SLC2A1: variants seen among roughly 807,000 people sequenced by gnomAD.
The protein encoded by SLC2A1 is solute carrier family 2 member 1.
SLC2A1 carries 4 observed loss-of-function variants against 46.6 expected under a neutral mutation model. That is an observed-to-expected ratio of 0.09 (90% CI 0.04 to 0.20). The LOEUF is 0.20. Ranked by LOEUF, SLC2A1 falls within the 10% of genes least tolerant of loss-of-function variation. The pLI is 1.00. For synonymous variants in SLC2A1, 253 were observed against 270.0 expected (o/e 0.94, Z 0.62); for missense variants, 352 against 667.0 (o/e 0.53, Z 5.20).
At chr1:42,958,176 C>T (rs1260222399) in intron 1 of SLC2A1, among the ~76,000 whole-genome samples, 1 of 151,954 alleles carries the variant, frequency 6.6e-6, no homozygotes, top group African/African-American at 2.4e-5. Flanking sequence ...GCTCCTGACT[C>T]CTCCGCGCGC....
chr1:42,930,041 G>T lies in SLC2A1; in HGVS notation c.517-6C>A, dbSNP rs892767820. On this transcript the variant is annotated splice_polypyrimidine_tract_variant and splice_region_variant and intron_variant, in intron 4 of 9. Coordinates refer to ENST00000426263, the MANE Select transcript of SLC2A1 (RefSeq NM_006516.4). The surrounding 1 kb of genome is among the most constrained non-coding windows in gnomAD (Gnocchi z 6.2). ...ATGGAGTCCAGGCCGAACACCTGGG[G>T]GAAGCAGGGGCCGTGAGCGCCTCTG... 6 of 1,613,690 alleles carry T rather than the reference G, an allele frequency of 3.7e-6. No homozygotes were observed. The highest frequency in any genetic ancestry group is 5.1e-6 in the Non-Finnish European group (6 of 1,180,022).
chr1:42,958,603 T>C, intron 1 of SLC2A1, 31 bp downstream of exon 1: 1 of 1,513,414 alleles, frequency 6.6e-7, no homozygotes, highest in Non-Finnish European at 8.8e-7. Flanking sequence ...CCTTTGTTCC[T>C]GGCGGGAGGG....
intron 2 of SLC2A1, among the ~76,000 whole-genome samples, chr1:42,941,488 T>C (rs1643598209): frequency 6.6e-6 from 1 of 152,238 alleles, no homozygotes; most frequent in Non-Finnish European, 1.5e-5. Flanking sequence ...AACCCTGTTC[T>C]GTTTCTGGAA....
intron 2 of SLC2A1, among the ~76,000 whole-genome samples, chr1:42,939,244 C>T (rs1374055379): frequency 6.6e-6 from 1 of 152,274 alleles, no homozygotes; most frequent in Non-Finnish European, 1.5e-5. Flanking sequence ...GTCCTCTCTT[C>T]ACATGTTACA....
In SLC2A1 at chr1:42,927,528, G is replaced by T. The variant is rs2124445993; in HGVS notation, c.1278+77C>A. The T allele has an allele frequency of 7.2e-7, 1 of 1,390,260 alleles. No individual in the cohort carries two copies. 86.1% of individuals were successfully genotyped at this position (1,390,260 alleles called of 1,614,324 possible). The stretch of plus-strand genomic sequence containing the variant: ...TCCTCCTCAGCATGATTCCTAATGA[G>T]AATGCTGGGCCAGCACTTTGCACAG... On this transcript the variant is annotated intron_variant, in intron 9 of 9. Coordinates refer to ENST00000426263, the MANE Select transcript of SLC2A1 (RefSeq NM_006516.4). The surrounding 1 kb of genome is among the most constrained non-coding windows in gnomAD (Gnocchi z 5.3).
intron 8 of SLC2A1, among the ~76,000 whole-genome samples, chr1:42,928,471 G>A (rs1643451356): frequency 6.6e-6 from 1 of 152,156 alleles, no homozygotes; most frequent in African/African-American, 2.4e-5. Context: ...TATCTGACAA[G>A]TTACTAACCT....
In SLC2A1 at chr1:42,927,544, CTT is replaced by C; in HGVS notation, c.1278+59_1278+60del. On this transcript the variant is annotated intron_variant, in intron 9 of 9. Coordinates refer to ENST00000426263, the MANE Select transcript of SLC2A1 (RefSeq NM_006516.4). The surrounding 1 kb of genome is among the most constrained non-coding windows in gnomAD (Gnocchi z 5.3). ...TCCTAATGAGAATGCTGGGCCAGCA[CTT>C]TGCACAGCACTGTGGGGTCATGCGT... The C allele has an allele frequency of 6.7e-7, 1 of 1,492,416 alleles. No homozygotes were observed. The highest frequency in any genetic ancestry group is 9.3e-7 in the Non-Finnish European group (1 of 1,076,930). 92.4% of individuals were successfully genotyped at this position (1,492,416 alleles called of 1,614,324 possible).
At chr1:42,950,982 A>G (rs1643714673) in intron 1 of SLC2A1, among the ~76,000 whole-genome samples, 1 of 152,204 alleles carries the variant, frequency 6.6e-6, no homozygotes, top group Non-Finnish European at 1.5e-5. Context: ...TCTCAAAAAA[A>G]AGTCTCTTCC....
At position 42,938,776 on chromosome 1, in the gene SLC2A1, A is replaced by T. The variant is rs554108561; in HGVS notation, c.114+4450T>A. Among the ~76,000 whole-genome samples the T allele has an allele frequency of 3.9e-5, 6 of 152,296 alleles. No individual in the cohort carries two copies. In the South Asian group the frequency reaches 8.3e-4, roughly 21 times the overall value. ...AGACACCTGCCCCTCCTGCCCTATG[A>T]GGTCAACTAACCCTTCAAGGTCGAG... On this transcript the variant is annotated intron_variant, in intron 2 of 9. Coordinates refer to ENST00000426263, the MANE Select transcript of SLC2A1 (RefSeq NM_006516.4).
In SLC2A1 at chr1:42,931,046, C is replaced by T. The variant is rs779073410; in HGVS notation, c.275G>A (p.Arg92Gln). 2.5e-6 allele frequency: 4 copies of T among 1,614,002 alleles called. No homozygotes were observed. Among genetic ancestry groups the T allele is most frequent in the South Asian group, 1.1e-5 (1 of 91,074 alleles). The part of the protein sequence containing the change: ...SVGLFVNRFG[R>Q]RNSMLMMNLL... ...CAGTGCCAGGACCTCTCCTACTTAC[C>T]GGCCAAAGCGGTTAACGAAAAGGCC... Residue 92 changes from arginine (R) to glutamine (Q), a missense_variant and splice_region_variant, in exon 3 of 10, where the codon CGG (arginine) becomes CAG (glutamine). Around this residue, in one of 5 missense-constraint regions of SLC2A1, gnomAD observed 97 missense variants for 175.6 expected, o/e 0.55. Transcript: ENST00000426263.
rs200828053 is a variant in SLC2A1 at position 42,931,133 on chromosome 1, G to A, written c.188C>T (p.Thr63Met). ...GATGGCCACTGAGAGGGACCAGAGC[G>A]TGGTGAGCGTGGTGGGCAGGATGCT... ...GESILPTTLT[T>M]LWSLSVAIFS... is the part of the protein sequence containing the mutation. The change falls in exon 3 of 10, where the codon ACG (threonine) becomes ATG (methionine). Residue 63 changes from threonine (T) to methionine (M), a missense_variant. This residue lies in a region of SLC2A1 where 97 missense variants were observed against 175.6 expected (regional missense o/e 0.55). Coordinates refer to ENST00000426263, the MANE Select transcript of SLC2A1 (RefSeq NM_006516.4). 82 of 1,614,090 alleles carry A rather than the reference G, an allele frequency of 5.1e-5. No individual in the cohort carries two copies. Among genetic ancestry groups the A allele is most frequent in the African/African-American group, 2.7e-5 (2 of 74,926 alleles).
chr1:42,954,105 C>G lies in SLC2A1; in HGVS notation c.18+4529G>C, dbSNP rs973571590. Among the ~76,000 whole-genome samples, 1 of 152,136 alleles carries G rather than the reference C, an allele frequency of 6.6e-6. No individual in the cohort carries two copies. Among genetic ancestry groups the G allele is most frequent in the Non-Finnish European group, 1.5e-5 (1 of 68,024 alleles). On this transcript the variant is annotated intron_variant, in intron 1 of 9. Transcript: ENST00000426263. This position sits in a 1 kb window ranked among gnomAD's most constrained non-coding sequence, Gnocchi z 4.2. ...TAGAGTTTCAGTTGTCAAGTTACGT[C>G]TAATCCAACTTTCAGGCTCCTATGG...
chr1:42,943,430 GCAC>G, intron 1 of SLC2A1, 109 bp from the exon 2 acceptor site: 1 of 823,818 alleles, frequency 1.2e-6, no homozygotes, highest in African/African-American at 1.7e-5. Context: ...CTGACTCTTG[GCAC>G]CACACCAGTC....
At chr1:42,939,121 T>A (rs1324203885) in intron 2 of SLC2A1, among the ~76,000 whole-genome samples, 5 of 152,264 alleles carry the variant, frequency 3.3e-5, no homozygotes, top group Non-Finnish European at 5.9e-5. Flanking sequence ...AGATGGAATC[T>A]CTGTGTCGCC....
intron 2 of SLC2A1, 84 bp downstream of exon 2, chr1:42,943,142 A>G: frequency 1.1e-6 from 1 of 892,548 alleles, no homozygotes; most frequent in Non-Finnish European, 1.8e-6. Context: ...ACTCTAATTC[A>G]GGTGGTGGCG....
At position 42,930,897 on chromosome 1, in the gene SLC2A1, C is replaced by T. The variant is rs200582277; in HGVS notation, c.276-31G>A. 10 of 1,602,534 alleles carry T rather than the reference C, an allele frequency of 6.2e-6. No individual in the cohort carries two copies. The East Asian group carries it at 2.0e-4, about 32-fold the overall frequency. On this transcript the variant is annotated intron_variant, in intron 3 of 9. Coordinates refer to ENST00000426263, the MANE Select transcript of SLC2A1 (RefSeq NM_006516.4). This position sits in a 1 kb window ranked among gnomAD's most constrained non-coding sequence, Gnocchi z 6.2. ...GACGGGGTCACAGGTCAGGCCAGTG[C>T]CCACATTCCTTGGGCTCCGAGGGGC...
intron 1 of SLC2A1, among the ~76,000 whole-genome samples, chr1:42,953,570 G>A (rs769419749): frequency 6.6e-6 from 1 of 152,248 alleles, no homozygotes; most frequent in Non-Finnish European, 1.5e-5. Flanking sequence ...ATGCCCAGGA[G>A]TGAGGTGGGG....
At position 42,958,686 on chromosome 1, in the gene SLC2A1, G is replaced by C. The variant is rs1163523047; in HGVS notation, c.-35C>G. The C allele has an allele frequency of 1.3e-6, 2 of 1,534,006 alleles. No homozygotes were observed. Among genetic ancestry groups the C allele is most frequent in the Non-Finnish European group, 1.7e-6 (2 of 1,144,264 alleles). ...GCGCTGGTGGCTCTGGCTGCGCCGG[G>C]TACGCGGGTGGCGACGGGCGTGCGA... On this transcript the variant is annotated 5_prime_UTR_variant, in exon 1 of 10. Transcript: ENST00000426263.
At chr1:42,947,580 A>G (rs1310889074) in intron 1 of SLC2A1, among the ~76,000 whole-genome samples, 4 of 21,428 alleles carry the variant, frequency 1.9e-4, no homozygotes, top group Non-Finnish European at 2.9e-4. Flanking sequence ...ACACACACAC[A>G]CAAAAAAAAA....
Sources: allele counts gnomAD v4.1 joint callset (sites outside exome capture counted in the v4.1 genomes callset), GRCh38; gene constraint gnomAD v4.1.1; regional missense constraint gnomAD v4.1.1; non-coding constraint Gnocchi (gnomAD v3.1); transcripts MANE v1.5; gene names NCBI Gene and HGNC (gene_info 2026-07-23, HGNC 2026-07-21).